The following FAF1 variants were observed in gnomAD, a reference collection of about 807,000 sequenced individuals.
FAF1 encodes the protein FAS-associated factor 1.
In FAF1, 25 loss-of-function variants were observed where a neutral mutation model predicts 92.5. The observed-to-expected ratio is 0.27, with a 90% CI of 0.20 to 0.38. The LOEUF is 0.38. Among genes scored for constraint, FAF1 ranks in the 10% least tolerant of loss-of-function variants. FAF1 has a pLI of 1.00. For synonymous variants in FAF1, 234 were observed against 273.2 expected, an observed-to-expected ratio of 0.86 and a Z score of 1.42; for missense variants, 636 against 793.3, an observed-to-expected ratio of 0.80 and a Z score of 2.38.
At chr1:50,492,317 C>T (rs1028742618) in intron 15 of FAF1, among the ~76,000 whole-genome samples, 7 of 152,038 alleles carry the variant, frequency 4.6e-5, no homozygotes, top group African/African-American at 1.7e-4. Flanking sequence ...GCAAAATACT[C>T]TGGTTAACCT....
chr1:50,798,845 G>A (rs566631443), intron 3 of FAF1, among the ~76,000 whole-genome samples: 1 of 152,260 alleles, frequency 6.6e-6, no homozygotes, highest in East Asian at 1.9e-4. Flanking sequence ...ACATGTATTG[G>A]ATTTCACCTT....
At chr1:50,665,387 A>T (rs1353392527) in intron 7 of FAF1, among the ~76,000 whole-genome samples, 2 of 152,254 alleles carry the variant, frequency 1.3e-5, no homozygotes, top group African/African-American at 4.8e-5. Context: ...ATTTCGCTAC[A>T]AGGATATTCA....
At chr1:50,798,441 T>C (rs1403305871) in intron 3 of FAF1, among the ~76,000 whole-genome samples, 1 of 152,228 alleles carries the variant, frequency 6.6e-6, no homozygotes, top group Admixed American at 6.5e-5. Context: ...ATACAAGTAA[T>C]TCACTAACAT....
chr1:50,759,257 G>A (rs1427722378), intron 4 of FAF1, among the ~76,000 whole-genome samples: 6 of 150,480 alleles, frequency 4.0e-5, no homozygotes, highest in Admixed American at 1.3e-4. Flanking sequence ...CCATTAACTC[G>A]TCATTTAGCA....
At chr1:50,774,893 G>A (rs922484916) in intron 4 of FAF1, among the ~76,000 whole-genome samples, 7 of 152,016 alleles carry the variant, frequency 4.6e-5, no homozygotes, top group African/African-American at 1.7e-4. Flanking sequence ...AGAAGGTTTT[G>A]GGTATTGAAA....
chr1:50,933,720 G>A (rs1645065978), intron 1 of FAF1, among the ~76,000 whole-genome samples: 1 of 152,154 alleles, frequency 6.6e-6, no homozygotes, highest in African/African-American at 2.4e-5. Flanking sequence ...TTGTTTTCAT[G>A]CTGCTGATAC....
chr1:50,653,551 T>C (rs1022183874), intron 8 of FAF1, among the ~76,000 whole-genome samples: 1 of 152,132 alleles, frequency 6.6e-6, no homozygotes, highest in Admixed American at 6.5e-5. Context: ...GGTTTCACCA[T>C]GTTGGCCAGG....
intron 7 of FAF1, among the ~76,000 whole-genome samples, chr1:50,692,546 A>G (rs1244163398): frequency 6.6e-6 from 1 of 152,142 alleles, no homozygotes; most frequent in Non-Finnish European, 1.5e-5. Context: ...AAGTGAGAAC[A>G]TGTTTATTCA....
chr1:50,512,859 A>T (rs947223149), intron 15 of FAF1, among the ~76,000 whole-genome samples: 8 of 152,150 alleles, frequency 5.3e-5, no homozygotes, highest in African/African-American at 1.9e-4. Flanking sequence ...GATTCTTTGT[A>T]TTCATGAGCA....
intron 11 of FAF1, 148 bp from the exon 12 acceptor site, chr1:50,582,847 G>T (rs1651052975): frequency 1.7e-6 from 1 of 587,558 alleles, no homozygotes; most frequent in Admixed American, 2.9e-5. Context: ...GCTTGGAAAT[G>T]AGCTTTATTG....
intron 18 of FAF1, among the ~76,000 whole-genome samples, chr1:50,447,121 C>CTTTTTTTTTTTTTTTT (rs61612294): frequency 1.8e-5 from 2 of 112,856 alleles, no homozygotes; most frequent in East Asian, 2.5e-4. Flanking sequence ...CATATTCCTG[C>CTTTTTTTTTTTTTTTT]TTTTTTTTTT....
chr1:50,783,357 G>T (rs980725461), intron 4 of FAF1, among the ~76,000 whole-genome samples: 1 of 152,108 alleles, frequency 6.6e-6, no homozygotes, highest in African/African-American at 2.4e-5. Flanking sequence ...CTTCTTTCAC[G>T]AGGCCAGCAT....
chr1:50,959,920 G>A lies in FAF1; in HGVS notation c.-109C>T. On this transcript the variant is annotated 5_prime_UTR_variant, in exon 1 of 19. Transcript: ENST00000396153. ...GCCGCCGCCGCCGCCGGGCGCCGAG[G>A]GGCTGGCGGGCGAGCCGGCGGGCGG... 8 of 638,360 alleles carry A rather than the reference G, an allele frequency of 1.3e-5. No homozygotes were observed. Among genetic ancestry groups the A allele is most frequent in the Non-Finnish European group, 1.5e-5 (7 of 475,738 alleles). The allele number at this position is 638,360 out of a possible 1,614,324, so 39.5% of individuals were successfully genotyped here.
chr1:50,912,476 G>C (rs1482529959), intron 1 of FAF1, among the ~76,000 whole-genome samples: 1 of 152,184 alleles, frequency 6.6e-6, no homozygotes, highest in Non-Finnish European at 1.5e-5. Context: ...GGTATTCTTA[G>C]AAAACCACTT....
At position 50,606,472 on chromosome 1, in the gene FAF1, T is replaced by C. The variant is rs999906219; in HGVS notation, c.745-10256A>G. On this transcript the variant is annotated intron_variant, in intron 8 of 18. Coordinates refer to ENST00000396153, the MANE Select transcript of FAF1 (RefSeq NM_007051.3). ...GGAGAGCATTTTTGTTTAGATATAT[T>C]GTAGCTGTGAGAGTTGCTTTTTTTT... 5.3e-5 allele frequency among the ~76,000 whole-genome samples: 8 copies of C among 150,740 alleles called. No individual in the cohort carries two copies. In the South Asian group the frequency reaches 1.5e-3, roughly 28 times the overall value.
At chr1:50,622,835 T>C (rs1653276741) in intron 8 of FAF1, among the ~76,000 whole-genome samples, 1 of 152,124 alleles carries the variant, frequency 6.6e-6, no homozygotes, top group African/African-American at 2.4e-5. Context: ...GAACGTTTGA[T>C]AGTATACCTG....
chr1:50,573,128 C>CA (rs980451641), intron 12 of FAF1, among the ~76,000 whole-genome samples: 12 of 149,760 alleles, frequency 8.0e-5, no homozygotes, highest in Middle Eastern at 3.5e-3. Context: ...TTTTTTGAGA[C>CA]AGAGTGTTGC....
chr1:50,519,440 G>C (rs1457644573), intron 15 of FAF1, among the ~76,000 whole-genome samples: 5 of 141,212 alleles, frequency 3.5e-5, no homozygotes, highest in Admixed American at 2.8e-4. Context: ...AGGAAGGAAG[G>C]AGGAGGGAAG....
chr1:50,626,835 T>C (rs1443881512), intron 8 of FAF1, among the ~76,000 whole-genome samples: 1 of 152,130 alleles, frequency 6.6e-6, no homozygotes, highest in Non-Finnish European at 1.5e-5. Flanking sequence ...GTATCTTATA[T>C]TGGGGTAGTG....
Sources: allele counts gnomAD v4.1 joint callset (sites outside exome capture counted in the v4.1 genomes callset), GRCh38; gene constraint gnomAD v4.1.1; transcripts MANE v1.5; gene names NCBI Gene and HGNC (gene_info 2026-07-23, HGNC 2026-07-21).